The following LINGO2 variants were observed in gnomAD, a reference collection of about 807,000 sequenced individuals.
The protein encoded by LINGO2 is leucine-rich repeat and immunoglobulin-like domain-containing nogo receptor-interacting protein 2.
A neutral mutation model predicts 30.6 loss-of-function variants in LINGO2; 14 were observed. That is an observed-to-expected ratio of 0.46 (90% CI 0.30 to 0.72). The LOEUF (loss-of-function observed/expected upper bound fraction) is 0.72. LINGO2 is among the 30% of genes least tolerant of loss of function. The probability of loss-of-function intolerance (pLI) is 0.07; values close to 1 mark genes in which losing one functional copy is unlikely to be tolerated. For synonymous variants in LINGO2, 317 were observed against 288.5 expected (o/e 1.10, Z -1.00); for missense variants, 729 against 751.7 (o/e 0.97, Z 0.35).
At chr9:28,934,080 G>A in the LINGO2 span, among the ~76,000 whole-genome samples, 1 of 152,312 alleles carries the variant, frequency 6.6e-6, no homozygotes, top group South Asian at 2.1e-4. Context: ...CCTGGCCAAT[G>A]TAACGACTGG....
chr9:28,861,205 ATTT>A, the LINGO2 span, among the ~76,000 whole-genome samples: 1 of 115,742 alleles, frequency 8.6e-6, no homozygotes, highest in Admixed American at 1.1e-4. Flanking sequence ...TATATTATAT[ATTT>A]TTTATATAAT....
chr9:28,905,440 C>T, the LINGO2 span, among the ~76,000 whole-genome samples: 1 of 151,634 alleles, frequency 6.6e-6, no homozygotes, highest in African/African-American at 2.4e-5. Context: ...CTTCAAACAA[C>T]TTAATAGCAA....
At chr9:28,424,506 GAGATTAGC>G (rs1380553987) in intron 2 of LINGO2, among the ~76,000 whole-genome samples, 2 of 152,112 alleles carry the variant, frequency 1.3e-5, no homozygotes, top group Non-Finnish European at 2.9e-5. Flanking sequence ...CAGGCTCACT[GAGATTAGC>G]AGAACCCAGC....
intron 4 of LINGO2, among the ~76,000 whole-genome samples, chr9:28,117,433 C>T (rs1253292640): frequency 1.8e-5 from 2 of 110,632 alleles, no homozygotes; most frequent in African/African-American, 3.5e-5. Flanking sequence ...CTGTGGTGGG[C>T]TCCACCCAGT....
chr9:28,194,396 T>G (rs556833866), intron 4 of LINGO2, among the ~76,000 whole-genome samples: 1 of 152,192 alleles, frequency 6.6e-6, no homozygotes, highest in Admixed American at 6.6e-5. Flanking sequence ...AGTTTACAGA[T>G]GTGGAAATTA....
intron 2 of LINGO2, among the ~76,000 whole-genome samples, chr9:28,406,124 T>C (rs181663963): frequency 1.3e-5 from 2 of 152,268 alleles, no homozygotes; most frequent in East Asian, 3.9e-4. Flanking sequence ...GAATTTGAAG[T>C]TTTGACTTAC....
the LINGO2 span, among the ~76,000 whole-genome samples, chr9:28,969,093 G>A: frequency 6.6e-6 from 1 of 152,216 alleles, no homozygotes; most frequent in African/African-American, 2.4e-5. Flanking sequence ...CCCTGGTAGA[G>A]ATCACATTTT....
chr9:28,496,176 C>T (rs186612353), intron 1 of LINGO2, among the ~76,000 whole-genome samples: 31 of 152,200 alleles, frequency 2.0e-4, no homozygotes, highest in African/African-American at 7.2e-4. Context: ...TCTATTAGGT[C>T]TGCTTGGTGC....
At chr9:28,501,782 A>G (rs1444852684) in intron 1 of LINGO2, among the ~76,000 whole-genome samples, 1 of 152,150 alleles carries the variant, frequency 6.6e-6, no homozygotes, top group Admixed American at 6.6e-5. Context: ...CTGCTTTGCA[A>G]TCCAGATTTA....
the LINGO2 span, among the ~76,000 whole-genome samples, chr9:28,847,270 C>T: frequency 2.0e-5 from 3 of 147,768 alleles, no homozygotes; most frequent in African/African-American, 7.7e-5. Flanking sequence ...TCTTTATTAT[C>T]AATATTATAA....
chr9:29,184,905 T>TA, the LINGO2 span, among the ~76,000 whole-genome samples: 1 of 152,216 alleles, frequency 6.6e-6, no homozygotes, highest in South Asian at 2.1e-4. Context: ...TACATACCAT[T>TA]ACTTTTTTGC....
intron 2 of LINGO2, among the ~76,000 whole-genome samples, chr9:28,412,006 A>AATG (rs1279762139): frequency 6.6e-6 from 1 of 151,956 alleles, no homozygotes; most frequent in Admixed American, 6.6e-5. Context: ...TGAATTGTAT[A>AATG]ATGGTGAAGT....
intron 3 of LINGO2, among the ~76,000 whole-genome samples, chr9:28,367,348 G>T (rs1367237459): frequency 6.6e-6 from 1 of 152,040 alleles, no homozygotes; most frequent in Non-Finnish European, 1.5e-5. Context: ...AACTGTATTT[G>T]GTTTTAAAAC....
At chr9:28,227,894 A>C (rs1821225370) in intron 4 of LINGO2, among the ~76,000 whole-genome samples, 1 of 152,110 alleles carries the variant, frequency 6.6e-6, no homozygotes, top group Non-Finnish European at 1.5e-5. Context: ...TGCCCTTTCC[A>C]CAATTTAGCA....
chr9:29,136,822 T>C, the LINGO2 span, among the ~76,000 whole-genome samples: 1 of 152,146 alleles, frequency 6.6e-6, no homozygotes, highest in Non-Finnish European at 1.5e-5. Flanking sequence ...AACTGCTCAT[T>C]TGATACCCAT....
intron 4 of LINGO2, among the ~76,000 whole-genome samples, chr9:28,168,328 C>T (rs1828490050): frequency 6.6e-6 from 1 of 152,156 alleles, no homozygotes; most frequent in African/African-American, 2.4e-5. Flanking sequence ...ATTATGAAGT[C>T]CTGATGCCTA....
chr9:28,338,361 T>C (rs1049706957), intron 3 of LINGO2, among the ~76,000 whole-genome samples: 7 of 152,168 alleles, frequency 4.6e-5, no homozygotes, highest in African/African-American at 1.4e-4. Context: ...TTGCTTTTGA[T>C]TTTACAGGCT....
chr9:28,728,156 C>T, the LINGO2 span, among the ~76,000 whole-genome samples: 1 of 152,084 alleles, frequency 6.6e-6, no homozygotes, highest in Non-Finnish European at 1.5e-5. Context: ...CTCTACCTTA[C>T]CTCTACTCTC....
intron 2 of LINGO2, among the ~76,000 whole-genome samples, chr9:28,470,387 A>G (rs1028534202): frequency 1.3e-5 from 2 of 152,230 alleles, no homozygotes; most frequent in Non-Finnish European, 2.9e-5. Flanking sequence ...TCAACAACAT[A>G]TCATCCAGGC....
Sources: gnomAD v4.1 joint callset for allele counts (sites outside exome capture counted in the v4.1 genomes callset) on GRCh38, gnomAD v4.1.1 for gene constraint, MANE v1.5 for transcripts, NCBI Gene and HGNC (gene_info 2026-07-23, HGNC 2026-07-21) for gene names.